CDK14: variants seen among roughly 807,000 people sequenced by gnomAD.
The protein encoded by CDK14 is cyclin-dependent kinase 14.
Under a neutral mutation model 60.7 loss-of-function variants are expected in CDK14, and 34 were observed. The observed-to-expected ratio is 0.56, with a 90% CI of 0.43 to 0.75. The LOEUF is 0.75. CDK14 is among the 30% of genes least tolerant of loss of function. CDK14 has a pLI of 0.00. For missense variants in CDK14, 482 were observed against 564.1 expected, an observed-to-expected ratio of 0.85 and a Z score of 1.47; for synonymous variants, 197 against 203.7, an observed-to-expected ratio of 0.97 and a Z score of 0.28.
chr7:91,038,479 A>G (rs759426575), intron 10 of CDK14, among the ~76,000 whole-genome samples: 51 of 152,360 alleles, frequency 3.3e-4, no homozygotes, highest in Non-Finnish European at 5.1e-4. Flanking sequence ...CAACTGTGAC[A>G]ATTTTTACTA....
chr7:90,804,497 A>G (rs1562777473), intron 5 of CDK14, among the ~76,000 whole-genome samples: 1 of 152,172 alleles, frequency 6.6e-6, no homozygotes, highest in Non-Finnish European at 1.5e-5. Flanking sequence ...ACAGGCAAAA[A>G]TTTTGTAAAT....
intron 11 of CDK14, among the ~76,000 whole-genome samples, chr7:91,047,079 GGACT>G (rs1424531175): frequency 3.9e-5 from 6 of 152,094 alleles, no homozygotes; most frequent in Non-Finnish European, 7.4e-5. Flanking sequence ...AATTTTAAAT[GGACT>G]GACTTTCTTT....
At chr7:91,159,831 G>A (rs531332041) in intron 14 of CDK14, among the ~76,000 whole-genome samples, 1 of 152,296 alleles carries the variant, frequency 6.6e-6, no homozygotes, top group African/African-American at 2.4e-5. Context: ...GGCCATGGTG[G>A]TGTTTATGGG....
At chr7:91,057,123 T>C (rs1161119389) in intron 11 of CDK14, among the ~76,000 whole-genome samples, 1 of 152,208 alleles carries the variant, frequency 6.6e-6, no homozygotes, top group Non-Finnish European at 1.5e-5. Context: ...AGATGGTATC[T>C]CATTGTGGTT....
intron 9 of CDK14, among the ~76,000 whole-genome samples, chr7:90,974,763 ATT>A (rs1255294412): frequency 1.3e-5 from 2 of 152,154 alleles, no homozygotes; most frequent in African/African-American, 4.8e-5. Context: ...TCAAATGCAG[ATT>A]TTTTTATTAT....
chr7:90,779,081 G>A (rs569427289), intron 4 of CDK14, among the ~76,000 whole-genome samples: 35 of 151,882 alleles, frequency 2.3e-4, no homozygotes, highest in East Asian at 3.9e-4. Flanking sequence ...GTGAAACCCC[G>A]TCTCTACTAC....
At chr7:90,893,232 G>A (rs991882113) in intron 6 of CDK14, among the ~76,000 whole-genome samples, 2 of 152,148 alleles carry the variant, frequency 1.3e-5, no homozygotes, top group African/African-American at 4.8e-5. Context: ...TAGCATTAAG[G>A]CATAGCAATG....
intron 4 of CDK14, among the ~76,000 whole-genome samples, chr7:90,752,089 A>G (rs1803868435): frequency 6.6e-6 from 1 of 152,150 alleles, no homozygotes; most frequent in African/African-American, 2.4e-5. Context: ...GGCTTCCACA[A>G]CGCACTGACA....
intron 2 of CDK14, among the ~76,000 whole-genome samples, chr7:90,623,344 G>A (rs775386330): frequency 1.2e-4 from 18 of 152,052 alleles, no homozygotes; most frequent in Non-Finnish European, 2.1e-4. Context: ...TAAGAAATGG[G>A]CAGCTGTTTC....
intron 9 of CDK14, among the ~76,000 whole-genome samples, chr7:90,959,132 G>A (rs1477719397): frequency 6.6e-6 from 1 of 152,082 alleles, no homozygotes; most frequent in Non-Finnish European, 1.5e-5. Flanking sequence ...CATAATGGAA[G>A]CACAAGAAGA....
intron 2 of CDK14, among the ~76,000 whole-genome samples, chr7:90,719,039 T>G (rs1242836108): frequency 1.3e-5 from 2 of 152,158 alleles, no homozygotes; most frequent in Non-Finnish European, 2.9e-5. Context: ...TGACTGATGA[T>G]TTTTTTATAT....
chr7:91,184,396 C>A (rs1317987913), intron 14 of CDK14, among the ~76,000 whole-genome samples: 2 of 151,808 alleles, frequency 1.3e-5, no homozygotes, highest in African/African-American at 2.4e-5. Flanking sequence ...TTACAATGTG[C>A]TGGGTAAGTT....
At chr7:91,006,719 T>G (rs1278524532) in intron 10 of CDK14, among the ~76,000 whole-genome samples, 1 of 152,264 alleles carries the variant, frequency 6.6e-6, no homozygotes, top group Non-Finnish European at 1.5e-5. Flanking sequence ...TTTTCTTTTA[T>G]GCCCATGCAA....
chr7:91,089,652 CA>C (rs1798746438), intron 12 of CDK14, among the ~76,000 whole-genome samples: 1 of 151,036 alleles, frequency 6.6e-6, no homozygotes, highest in African/African-American at 2.4e-5. Context: ...GATAGCAAAA[CA>C]AGTAAAATGT....
chr7:90,918,678 C>A (rs1454615287), intron 8 of CDK14, among the ~76,000 whole-genome samples: 1 of 152,130 alleles, frequency 6.6e-6, no homozygotes, highest in African/African-American at 2.4e-5. Context: ...GAAAATATTA[C>A]CCTTGGGACA....
At chr7:90,754,896 AC>A (rs1212932146) in intron 4 of CDK14, among the ~76,000 whole-genome samples, 2 of 152,168 alleles carry the variant, frequency 1.3e-5, no homozygotes, top group African/African-American at 2.4e-5. Flanking sequence ...TCAGAAAAAT[AC>A]AAATCAAAAC....
At chr7:90,723,034 G>A (rs1211235336) in intron 2 of CDK14, among the ~76,000 whole-genome samples, 1 of 152,092 alleles carries the variant, frequency 6.6e-6, no homozygotes, top group African/African-American at 2.4e-5. Context: ...CTGTTTTTAG[G>A]TGAAAAGCAT....
intron 14 of CDK14, among the ~76,000 whole-genome samples, chr7:91,188,576 A>G (rs1342395753): frequency 1.3e-5 from 2 of 152,234 alleles, no homozygotes; most frequent in Non-Finnish European, 2.9e-5. Context: ...ACATACATAC[A>G]TAACTATTTT....
chr7:90,618,850 C>A (rs987266391), intron 2 of CDK14, among the ~76,000 whole-genome samples: 3 of 152,032 alleles, frequency 2.0e-5, no homozygotes, highest in Non-Finnish European at 4.4e-5. Flanking sequence ...ATTTTAGATT[C>A]TTTTCTGATA....
Sources: allele counts gnomAD v4.1 joint callset (sites outside exome capture counted in the v4.1 genomes callset), GRCh38; gene constraint gnomAD v4.1.1; transcripts MANE v1.5; gene names NCBI Gene and HGNC (gene_info 2026-07-23, HGNC 2026-07-21).